Variants in AMPH observed in about 807,000 individuals in gnomAD.
AMPH encodes amphiphysin (Stiff-Mann syndrome with breast cancer 128kD autoantigen).
A neutral mutation model predicts 99.1 loss-of-function variants in AMPH; 49 were observed. The observed-to-expected ratio is 0.49, with a 90% CI of 0.39 to 0.63. The LOEUF (loss-of-function observed/expected upper bound fraction) is 0.63. AMPH is among the 20% of genes least tolerant of loss of function. The pLI is 0.00. For missense variants in AMPH, 759 were observed against 863.4 expected (o/e 0.88, Z 1.52); for synonymous variants, 314 against 317.3 (o/e 0.99, Z 0.11).
chr7:38,423,727 G>A lies in AMPH; in HGVS notation c.1216-1250C>T, dbSNP rs1333547905. Among the ~76,000 whole-genome samples the A allele has an allele frequency of 2.0e-5, 3 of 152,162 alleles. No homozygotes were observed. In the East Asian group the frequency reaches 5.8e-4, roughly 29 times the overall value. On this transcript the variant is annotated intron_variant, in intron 15 of 20. Coordinates refer to ENST00000356264, the MANE Select transcript of AMPH (RefSeq NM_001635.4). ...TTTGTTCCTTAGAACTCCCAGTGGT[G>A]AAAAATTAGAAGCATAAAGAGCCAC...
At chr7:38,406,731 CCTCTCT>C (rs56738810) in intron 17 of AMPH, among the ~76,000 whole-genome samples, 1,463 of 80,452 alleles carry the variant, frequency 0.018, 29 homozygotes, top group Middle Eastern at 0.096. Flanking sequence ...TCTCCCTTTC[CCTCTCT>C]CTCTCTCTCT....
chr7:38,402,273 G>A (rs1024605184), intron 17 of AMPH, among the ~76,000 whole-genome samples: 2 of 152,004 alleles, frequency 1.3e-5, no homozygotes, highest in South Asian at 2.1e-4. Flanking sequence ...AAAAAGGAAG[G>A]CAATTTTCAA....
intron 1 of AMPH, among the ~76,000 whole-genome samples, chr7:38,555,903 C>G (rs547078277): frequency 6.6e-6 from 1 of 152,112 alleles, no homozygotes; most frequent in South Asian, 2.1e-4. Context: ...TAAGTGGGAG[C>G]TGAGCATTGG....
chr7:38,440,272 C>A (rs2128997650), intron 11 of AMPH, among the ~76,000 whole-genome samples: 1 of 152,230 alleles, frequency 6.6e-6, no homozygotes, highest in East Asian at 1.9e-4. Flanking sequence ...GACAGTGAGG[C>A]AAAGTACTGA....
chr7:38,553,961 AT>A (rs1260839879), intron 1 of AMPH, among the ~76,000 whole-genome samples: 1 of 152,238 alleles, frequency 6.6e-6, no homozygotes, highest in Non-Finnish European at 1.5e-5. Flanking sequence ...CTCTTTAAGC[AT>A]CACTAGACTC....
At chr7:38,574,690 G>T (rs1008519303) in intron 1 of AMPH, among the ~76,000 whole-genome samples, 1 of 152,144 alleles carries the variant, frequency 6.6e-6, no homozygotes, top group Non-Finnish European at 1.5e-5. Context: ...CGATGGGTGA[G>T]ATTTTTATTC....
At chr7:38,475,247 T>C in intron 7 of AMPH, 84 bp downstream of exon 7, 2 of 882,648 alleles carry the variant, frequency 2.3e-6, no homozygotes, top group Non-Finnish European at 3.6e-6. Flanking sequence ...AATGTCACAG[T>C]AATAATAAAG....
At chr7:38,435,495 C>G (rs1335686649) in intron 12 of AMPH, among the ~76,000 whole-genome samples, 1 of 152,180 alleles carries the variant, frequency 6.6e-6, no homozygotes, top group African/African-American at 2.4e-5. Flanking sequence ...GGGCTCCAAC[C>G]ATATGCAAAG....
chr7:38,609,232 C>T (rs555217780), intron 1 of AMPH, among the ~76,000 whole-genome samples: 9 of 152,230 alleles, frequency 5.9e-5, no homozygotes, highest in South Asian at 2.1e-4. Flanking sequence ...GGAATATGCA[C>T]GCAGCACACA....
At position 38,628,786 on chromosome 7, in the gene AMPH, G is replaced by C. The variant is rs1794350029; in HGVS notation, c.69+2497C>G. 2.6e-5 allele frequency among the ~76,000 whole-genome samples: 4 copies of C among 152,262 alleles called. No homozygotes were observed. In the South Asian group the frequency reaches 8.3e-4, roughly 32 times the overall value. ...TTTTTCTGCTTATATGTACATTTCA[G>C]CCTTGTGGTTTTTTTCTGCTGACTA... On this transcript the variant is annotated intron_variant, in intron 1 of 20. Transcript: ENST00000356264.
chr7:38,437,886 G>A (rs1270788441), intron 11 of AMPH, among the ~76,000 whole-genome samples: 1 of 152,228 alleles, frequency 6.6e-6, no homozygotes, highest in African/African-American at 2.4e-5. Context: ...CGTACTCATT[G>A]CAGAAGAAAG....
At chr7:38,530,917 T>C (rs1485715347) in intron 2 of AMPH, 1 of 152,208 alleles carries the variant, frequency 6.6e-6, no homozygotes, top group Non-Finnish European at 1.5e-5. Context: ...TTAGCATGCA[T>C]TGTCATGGAA....
chr7:38,429,452 A>T, intron 14 of AMPH: 1 of 1,298,960 alleles, frequency 7.7e-7, no homozygotes, highest in Non-Finnish European at 1.0e-6. Flanking sequence ...TGTCTGTACT[A>T]GCGTCAGGGC....
At chr7:38,604,812 C>CT (rs1004006718) in intron 1 of AMPH, among the ~76,000 whole-genome samples, 7 of 152,166 alleles carry the variant, frequency 4.6e-5, no homozygotes, top group African/African-American at 1.4e-4. Context: ...ATTCAAAGTT[C>CT]TTTTTTCTCA....
intron 1 of AMPH, among the ~76,000 whole-genome samples, chr7:38,574,941 C>T (rs775589762): frequency 2.6e-5 from 4 of 151,318 alleles, no homozygotes; most frequent in African/African-American, 7.3e-5. Flanking sequence ...ATAGTCCCAG[C>T]TACTCAGGAG....
intron 11 of AMPH, among the ~76,000 whole-genome samples, chr7:38,457,721 A>G (rs1787287003): frequency 6.6e-6 from 1 of 152,332 alleles, no homozygotes; most frequent in South Asian, 2.1e-4. Flanking sequence ...TTAAACAGAT[A>G]CAATGCAAAA....
At chr7:38,439,417 A>G (rs927297941) in intron 11 of AMPH, among the ~76,000 whole-genome samples, 1 of 152,198 alleles carries the variant, frequency 6.6e-6, no homozygotes, top group Admixed American at 6.5e-5. Flanking sequence ...TTATCCCTTA[A>G]GGTACTCATG....
chr7:38,439,019 G>C (rs1386995996), intron 11 of AMPH, among the ~76,000 whole-genome samples: 1 of 152,194 alleles, frequency 6.6e-6, no homozygotes, highest in Non-Finnish European at 1.5e-5. Context: ...GATCATGGGG[G>C]TAGTTTCCCC....
In AMPH at chr7:38,461,352, C is replaced by G. The variant is rs776857039; in HGVS notation, c.948G>C (p.Gln316His). The change falls in exon 11 of 21, where the codon CAG becomes CAC. Residue 316 changes from glutamine to histidine, a missense_variant. Physicochemically the swap from Gln to His is conservative, Grantham distance 24 (BLOSUM62 0). Coordinates refer to ENST00000356264, the MANE Select transcript of AMPH (RefSeq NM_001635.4). ...CAAAGAAACTGATGATGTTCTCCTG[C>G]TGCAGTTCCTTTGTCGGGGTGACTT... Reference protein sequence around the residue: ...LPKVTPTKELQQENIISFFED... With the variant: ...LPKVTPTKELHQENIISFFED... 4.3e-6 allele frequency: 7 copies of G among 1,614,170 alleles called. No individual in the cohort carries two copies. The highest frequency in any genetic ancestry group is 4.2e-6 in the Non-Finnish European group (5 of 1,180,008).
Sources: allele counts gnomAD v4.1 joint callset (sites outside exome capture counted in the v4.1 genomes callset), GRCh38; gene constraint gnomAD v4.1.1; transcripts MANE v1.5; gene names NCBI Gene and HGNC (gene_info 2026-07-23, HGNC 2026-07-21).